The following HEMK2 variants were observed in gnomAD, a reference collection of about 807,000 sequenced individuals.
The protein encoded by HEMK2 is HemK methyltransferase 2, ETF1 glutamine and histone H4 lysine.
chr21:28,610,715 C>G, the HEMK2 span, among the ~76,000 whole-genome samples: 55 of 152,174 alleles, frequency 3.6e-4, no homozygotes, highest in South Asian at 0.01. Flanking sequence ...ATATGCCATG[C>G]AAATGGACAC....
the HEMK2 span, among the ~76,000 whole-genome samples, chr21:28,877,762 T>A: frequency 6.6e-6 from 1 of 152,092 alleles, no homozygotes; most frequent in East Asian, 1.9e-4. Context: ...TATGGTCAAT[T>A]TAGTTATAAA....
the HEMK2 span, among the ~76,000 whole-genome samples, chr21:28,757,110 T>C: frequency 1.3e-5 from 2 of 152,218 alleles, no homozygotes; most frequent in Admixed American, 1.3e-4. Context: ...ATAGTAAAGA[T>C]GCTACACCGT....
At chr21:28,719,574 C>T in the HEMK2 span, among the ~76,000 whole-genome samples, 3 of 152,238 alleles carry the variant, frequency 2.0e-5, no homozygotes, top group Non-Finnish European at 4.4e-5. Context: ...TACAAATTAC[C>T]CAGTCTCAGG....
chr21:28,618,624 G>A, the HEMK2 span, among the ~76,000 whole-genome samples: 3 of 152,248 alleles, frequency 2.0e-5, no homozygotes, highest in South Asian at 2.1e-4. Context: ...AAATTACCAT[G>A]TAAATTGATA....
At chr21:28,839,718 CA>C in the HEMK2 span, among the ~76,000 whole-genome samples, 1 of 152,022 alleles carries the variant, frequency 6.6e-6, no homozygotes, top group South Asian at 2.1e-4. Context: ...AAATCATAGA[CA>C]ACATCAACAA....
the HEMK2 span, among the ~76,000 whole-genome samples, chr21:28,856,276 G>A: frequency 6.6e-6 from 1 of 152,108 alleles, no homozygotes; most frequent in Non-Finnish European, 1.5e-5. Flanking sequence ...TTAGCCAGGA[G>A]TGGTGGCAGG....
the HEMK2 span, among the ~76,000 whole-genome samples, chr21:28,801,545 A>C: frequency 6.6e-6 from 1 of 152,166 alleles, no homozygotes; most frequent in African/African-American, 2.4e-5. Flanking sequence ...AGAAACATTA[A>C]AAGCCAATCA....
the HEMK2 span, among the ~76,000 whole-genome samples, chr21:28,579,742 A>C: frequency 6.6e-6 from 1 of 152,180 alleles, no homozygotes; most frequent in Non-Finnish European, 1.5e-5. Context: ...TAACACCAAG[A>C]GCATTAGCCT....
At chr21:28,800,056 G>A in the HEMK2 span, among the ~76,000 whole-genome samples, 1 of 152,192 alleles carries the variant, frequency 6.6e-6, no homozygotes. Context: ...TGCACGTGAT[G>A]CTGCAGTTTA....
the HEMK2 span, among the ~76,000 whole-genome samples, chr21:28,871,703 T>C: frequency 6.6e-6 from 1 of 152,130 alleles, no homozygotes; most frequent in Admixed American, 6.5e-5. Context: ...AACCAATGCA[T>C]TCTCTCACAG....
chr21:28,869,657 A>G, the HEMK2 span, among the ~76,000 whole-genome samples: 3 of 152,180 alleles, frequency 2.0e-5, no homozygotes, highest in Non-Finnish European at 4.4e-5. Flanking sequence ...GCTGACTTAG[A>G]GGTTACAGGC....
chr21:28,726,608 C>T, the HEMK2 span, among the ~76,000 whole-genome samples: 1 of 151,990 alleles, frequency 6.6e-6, no homozygotes, highest in African/African-American at 2.4e-5. Flanking sequence ...AGTAGTCTAC[C>T]GTCAAAGATT....
chr21:28,856,923 C>T, the HEMK2 span, among the ~76,000 whole-genome samples: 1 of 152,206 alleles, frequency 6.6e-6, no homozygotes, highest in Non-Finnish European at 1.5e-5. Context: ...CCCGGGAATT[C>T]CAGTAAGGCA....
the HEMK2 span, among the ~76,000 whole-genome samples, chr21:28,682,907 G>A: frequency 6.6e-6 from 1 of 151,998 alleles, no homozygotes; most frequent in Non-Finnish European, 1.5e-5. Flanking sequence ...TGTGTAGGGG[G>A]AGCGGGGAGG....
At chr21:28,858,165 G>C in the HEMK2 span, among the ~76,000 whole-genome samples, 13 of 152,132 alleles carry the variant, frequency 8.5e-5, no homozygotes, top group South Asian at 4.2e-4. Context: ...GCTTAAGCGG[G>C]GTTTATTTTC....
At chr21:28,822,572 CATAT>C in the HEMK2 span, among the ~76,000 whole-genome samples, 6 of 147,650 alleles carry the variant, frequency 4.1e-5, no homozygotes, top group African/African-American at 7.4e-5. Flanking sequence ...GGCTACAATG[CATAT>C]ATATATATAT....
chr21:28,777,528 G>C, the HEMK2 span, among the ~76,000 whole-genome samples: 1 of 152,002 alleles, frequency 6.6e-6, no homozygotes, highest in African/African-American at 2.4e-5. Flanking sequence ...CACTCTCTGG[G>C]GTCCAGAGAG....
the HEMK2 span, among the ~76,000 whole-genome samples, chr21:28,767,284 C>T: frequency 0.42 from 63,896 of 151,504 alleles, 14,457 homozygotes; most frequent in African/African-American, 0.57. Flanking sequence ...TTGCCAGTCT[C>T]GGGTATGTCT....
chr21:28,836,602 C>T, the HEMK2 span, among the ~76,000 whole-genome samples: 6 of 151,702 alleles, frequency 4.0e-5, no homozygotes, highest in Non-Finnish European at 8.8e-5. Flanking sequence ...AAACAAAAAA[C>T]AAAAACAAAG....
Sources: allele counts gnomAD v4.1 joint callset (sites outside exome capture counted in the v4.1 genomes callset), GRCh38; gene constraint gnomAD v4.1.1; transcripts MANE v1.5; gene names NCBI Gene and HGNC (gene_info 2026-07-23, HGNC 2026-07-21).